The following PJA1 variants were observed in gnomAD, a reference collection of about 807,000 sequenced individuals.
The protein encoded by PJA1 is E3 ubiquitin-protein ligase Praja-1.
PJA1 carries 5 observed loss-of-function variants against 14.1 expected under a neutral mutation model. The ratio of observed to expected loss-of-function variants is 0.35; its 90% CI spans 0.18 to 0.74. The LOEUF is 0.74. PJA1 is among the 30% of genes least tolerant of loss of function. The pLI, the probability that PJA1 is intolerant of heterozygous loss-of-function variation, is 0.56. For synonymous variants in PJA1, 174 were observed against 190.9 expected (o/e 0.91, Z 0.73); for missense variants, 394 against 482.6 (o/e 0.82, Z 1.72).
In PJA1 at chrX:69,162,095, G is replaced by A. The variant is rs1602092348; in HGVS notation, c.979C>T (p.Arg327Ter). The change falls in exon 2 of 2, where the codon CGA (arginine) becomes TGA (stop). Residue 327 changes from arginine (R) to a stop codon, truncating the protein, a stop_gained. Transcript: ENST00000374571. LOFTEE classifies it high-confidence loss of function. ...IAALRRKYRS[R>*]EQTLSSSGES... The stretch of plus-strand genomic sequence containing the variant: ...CCACTGGAGGACAGGGTTTGCTCTC[G>A]GCTTCGATATTTCCGACGCAGAGCA... 1 of 1,211,105 alleles carries A rather than the reference G, an allele frequency of 8.3e-7. No homozygotes were observed.
Position 69,162,583 on chromosome X carries a change from C to T in PJA1, c.491G>A (p.Ser164Asn). 1 of 1,211,527 alleles carries T rather than the reference C, an allele frequency of 8.3e-7. No homozygotes were observed. The highest frequency in any genetic ancestry group is 1.1e-6 in the Non-Finnish European group (1 of 895,534). Residue 164 changes from serine (S) to asparagine (N), a missense_variant, in exon 2 of 2, where the codon AGC becomes AAC. Coordinates refer to ENST00000374571, the MANE Select transcript of PJA1 (RefSeq NM_001032396.4). ...SEGKLATKGD[S>N]SERERREQNL... ...TTGCTCCCTTCTCTCCCTCTCCGAG[C>T]TGTCACCTTTTGTAGCCAGCTTGCC...
Position 69,163,134 on chromosome X carries a change from C to A in PJA1, c.-61G>T, listed in dbSNP as rs1569210163. 2 of 1,210,959 alleles carry A rather than the reference C, an allele frequency of 1.7e-6. No individual in the cohort carries two copies. Among genetic ancestry groups the A allele is most frequent in the Non-Finnish European group, 2.2e-6 (2 of 895,394 alleles). On this transcript the variant is annotated 5_prime_UTR_variant, in exon 2 of 2. Coordinates refer to ENST00000374571, the MANE Select transcript of PJA1 (RefSeq NM_001032396.4). ...TCCTTTCCCGCTGGCTCGTGGGTGG[C>A]CTGAAACTGACATAAGCATGCCTTC...
intron 1 of PJA1, among the ~76,000 whole-genome samples, chrX:69,163,822 G>A: frequency 9.0e-6 from 1 of 111,062 alleles, no homozygotes; most frequent in Non-Finnish European, 1.9e-5. Context: ...TTTGTAGGGG[G>A]AAAGGGTATG....
chrX:69,164,822 G>A (rs1251760733), intron 1 of PJA1, among the ~76,000 whole-genome samples: 1 of 111,040 alleles, frequency 9.0e-6, no homozygotes. Flanking sequence ...GACCCCAACC[G>A]ATGTGGCAGG....
rs766084279 is a variant in PJA1 at position 69,161,555 on chromosome X, C to T, written c.1519G>A (p.Val507Ile). Reference sequence around the variant, plus strand: ...CTTGCTGGTGGATTGGCCACCTCTACATCCACTGCGAGAGACTCCAAGTGC... The same window carrying T: ...CTTGCTGGTGGATTGGCCACCTCTATATCCACTGCGAGAGACTCCAAGTGC... ...LAHLESLAVD[V>I]EVANPPASKE... is the part of the protein sequence containing the mutation. The change falls in exon 2 of 2, where the codon GTA (valine) becomes ATA (isoleucine). Residue 507 changes from valine (V) to isoleucine (I), a missense_variant. Physicochemically the swap from Val to Ile is conservative, Grantham distance 29. This residue lies in a region of PJA1 where 378 missense variants were observed against 439.3 expected (regional missense o/e 0.86). Coordinates refer to ENST00000374571, the MANE Select transcript of PJA1 (RefSeq NM_001032396.4). The T allele has an allele frequency of 4.1e-6, 5 of 1,211,435 alleles. No individual in the cohort carries two copies. Among genetic ancestry groups the T allele is most frequent in the Non-Finnish European group, 5.6e-6 (5 of 895,443 alleles).
In PJA1 at chrX:69,162,861, A is replaced by C. The variant is rs1182531308; in HGVS notation, c.213T>G (p.Ser71Arg). 1 of 1,208,382 alleles carries C rather than the reference A, an allele frequency of 8.3e-7. No homozygotes were observed. The highest frequency in any genetic ancestry group is 1.1e-6 in the Non-Finnish European group (1 of 894,856). ...CAACAGGCCCAGCCCCCTCCTCCTC[A>C]CTATCATCTGCCCCATAAGAGTCAA... ...GHIDSYGADD[S>R]EEEGAGPVER... The change falls in exon 2 of 2, where the codon AGT becomes AGG. Residue 71 changes from serine to arginine, a missense_variant. Physicochemically the swap from Ser to Arg is moderately radical, Grantham distance 110 (BLOSUM62 -1). This residue lies in a region of PJA1 where 378 missense variants were observed against 439.3 expected (regional missense o/e 0.86). Transcript: ENST00000374571.
Position 69,162,396 on chromosome X carries a change from G to A in PJA1, c.678C>T (p.Asp226=), listed in dbSNP as rs373540028. ...PKIFFDTDDD[D]DMPHSTSRWR... is the part of the protein sequence containing the mutation. ...ACCTGGAAGTACTGTGTGGCATATCGTCATCATCATCAGTATCAAAAAAAA... is the reference window on the plus strand; with the variant it reads ...ACCTGGAAGTACTGTGTGGCATATCATCATCATCATCAGTATCAAAAAAAA... The change falls in exon 2 of 2, where the codon GAC becomes GAT. Residue 226 remains aspartate, a synonymous_variant. Transcript: ENST00000374571. The A allele has an allele frequency of 5.7e-5, 69 of 1,208,689 alleles. No homozygotes were observed. The highest frequency in any genetic ancestry group is 2.3e-4 in the Middle Eastern group (1 of 4,376).
At position 69,161,040 on chromosome X, in the gene PJA1, C is replaced by T; in HGVS notation, c.*267G>A. The T allele has an allele frequency of 3.2e-6, 1 of 311,473 alleles. No individual in the cohort carries two copies. The highest frequency in any genetic ancestry group is 5.4e-6 in the Non-Finnish European group (1 of 185,580). 25.7% of individuals were successfully genotyped at this position (311,473 alleles called of 1,213,427 possible). On this transcript the variant is annotated 3_prime_UTR_variant, in exon 2 of 2. Coordinates refer to ENST00000374571, the MANE Select transcript of PJA1 (RefSeq NM_001032396.4). ...AAGAAAACAAATGCGATTTAACTTT[C>T]AGGTTAGAAAACGTATCTTCTTACT...
chrX:69,164,989 G>A (rs1256903362), intron 1 of PJA1, among the ~76,000 whole-genome samples: 2 of 111,737 alleles, frequency 1.8e-5, no homozygotes, highest in Non-Finnish European at 3.8e-5. Context: ...TGGGAAGAAA[G>A]GCCACGGAGT....
In PJA1 at chrX:69,161,438, C is replaced by T; in HGVS notation, c.1636G>A (p.Glu546Lys). The T allele has an allele frequency of 8.3e-7, 1 of 1,211,544 alleles. No homozygotes were observed. The highest frequency in any genetic ancestry group is 1.1e-6 in the Non-Finnish European group (1 of 895,393). Residue 546 changes from glutamate (E) to lysine (K), a missense_variant, in exon 2 of 2, where the codon GAA becomes AAA. Physicochemically the swap from Glu to Lys is moderately conservative, Grantham distance 56 (BLOSUM62 1). Transcript: ENST00000374571. The part of the protein sequence containing the change: ...QEMCCPICCS[E>K]YVKGEVATEL... ...GTTGCCACCTCCCCCTTCACATATT[C>T]GCTACAGCAGATGGGGCAGCACATC...
intron 1 of PJA1, among the ~76,000 whole-genome samples, chrX:69,164,834 G>T (rs981771560): frequency 4.5e-5 from 5 of 111,258 alleles, no homozygotes; most frequent in Non-Finnish European, 9.4e-5. Flanking sequence ...TGTGGCAGGG[G>T]AGAGGGAAAA....
chrX:69,162,260 C>T lies in PJA1; in HGVS notation c.814G>A (p.Glu272Lys). 2 of 1,210,956 alleles carry T rather than the reference C, an allele frequency of 1.7e-6. No homozygotes were observed. Among genetic ancestry groups the T allele is most frequent in the Non-Finnish European group, 2.2e-6 (2 of 895,320 alleles). ...PEPKYPEDKR[E>K]ARSDQVKPEK... ...GGTTTCACTTGGTCACTCCTCGCTT[C>T]CCGTTTGTCTTCAGGGTACTTTGGC... Residue 272 changes from glutamate (E) to lysine (K), a missense_variant, in exon 2 of 2, where the codon GAA becomes AAA. Glu to Lys is a moderately conservative substitution (Grantham distance 56, BLOSUM62 1). This residue lies in a region of PJA1 where 378 missense variants were observed against 439.3 expected (regional missense o/e 0.86). Coordinates refer to ENST00000374571, the MANE Select transcript of PJA1 (RefSeq NM_001032396.4).
In PJA1 at chrX:69,162,542, G is replaced by A. The variant is rs560701600; in HGVS notation, c.532C>T (p.Pro178Ser). Residue 178 changes from proline (P) to serine (S), a missense_variant, in exon 2 of 2, where the codon CCC (proline) becomes TCC (serine). Coordinates refer to ENST00000374571, the MANE Select transcript of PJA1 (RefSeq NM_001032396.4). ...CAAATACTCACAGGAGCCCTGCTGG[G>A]ACGTGCAGGTAAATTTTGCTCCCTT... ...ERREQNLPAR[P>S]SRAPVSICGG... 15 of 1,211,516 alleles carry A rather than the reference G, an allele frequency of 1.2e-5. No individual in the cohort carries two copies. The South Asian group carries it at 2.5e-4, about 20-fold the overall frequency.
In PJA1 at chrX:69,161,433, A is replaced by G. The variant is rs1439635519; in HGVS notation, c.1641T>C (p.Tyr547=). The part of the protein sequence containing the change: ...EMCCPICCSE[Y]VKGEVATELP... The stretch of plus-strand genomic sequence containing the variant: ...GCTCAGTTGCCACCTCCCCCTTCAC[A>G]TATTCGCTACAGCAGATGGGGCAGC... The change falls in exon 2 of 2, where the codon TAT becomes TAC. Residue 547 remains tyrosine (Y), a synonymous_variant. Coordinates refer to ENST00000374571, the MANE Select transcript of PJA1 (RefSeq NM_001032396.4). The G allele has an allele frequency of 2.5e-6, 3 of 1,209,681 alleles. No homozygotes were observed.
Position 69,162,069 on chromosome X carries a change from G to C in PJA1, c.1005C>G (p.Gly335=). 8.3e-7 allele frequency: 1 copy of C among 1,210,269 alleles called. No individual in the cohort carries two copies. Among genetic ancestry groups the C allele is most frequent in the Non-Finnish European group, 1.1e-6 (1 of 895,030 alleles). Residue 335 remains glycine (G), a synonymous_variant, in exon 2 of 2, where the codon GGC becomes GGG. Transcript: ENST00000374571. The part of the protein sequence containing the change: ...RSREQTLSSS[G]ESWETLPGKE... ...TCCCCGGCAGAGTCTCCCAGCTTTC[G>C]CCACTGGAGGACAGGGTTTGCTCTC...
rs376530251 is a variant in PJA1, at chrX:69,162,700, T to G, written c.374A>C (p.Asp125Ala). 54 of 1,206,038 alleles carry G rather than the reference T, an allele frequency of 4.5e-5. No homozygotes were observed. Among genetic ancestry groups the G allele is most frequent in the Non-Finnish European group, 5.9e-5 (53 of 893,199 alleles). The part of the protein sequence containing the change: ...SFSRDVREER[D>A]KLDPVPAARC... ...TGCTGCAGGGACTGGGTCTAACTTG[T>G]CTCGCTCCTCTCTCACATCACGGCT... The change falls in exon 2 of 2, where the codon GAC becomes GCC. Residue 125 changes from aspartate to alanine, a missense_variant. By Grantham distance (126) the Asp-to-Ala change is moderately radical (BLOSUM62 -2). Coordinates refer to ENST00000374571, the MANE Select transcript of PJA1 (RefSeq NM_001032396.4).
chrX:69,161,751 G>C lies in PJA1; in HGVS notation c.1323C>G (p.Asn441Lys). Reference protein sequence around the residue: ...PGVFMLDGNNNLEDDSSVSED... With the variant: ...PGVFMLDGNNKLEDDSSVSED... ...CGCTCACACTGGAGTCATCTTCAAG[G>C]TTGTTGTTTCCATCCAGCATGAATA... Residue 441 changes from asparagine to lysine, a missense_variant, in exon 2 of 2, where the codon AAC (asparagine) becomes AAG (lysine). This residue lies in a region of PJA1 where 378 missense variants were observed against 439.3 expected (regional missense o/e 0.86). Transcript: ENST00000374571. 1 of 1,211,399 alleles carries C rather than the reference G, an allele frequency of 8.3e-7. No homozygotes were observed. Among genetic ancestry groups the C allele is most frequent in the Non-Finnish European group, 1.1e-6 (1 of 895,474 alleles).
At chrX:69,164,917 G>C (rs1925224529) in intron 1 of PJA1, among the ~76,000 whole-genome samples, 1 of 111,587 alleles carries the variant, frequency 9.0e-6, no homozygotes, top group African/African-American at 3.3e-5. Context: ...TTTTTCCCTG[G>C]GAACAGTATT....
Position 69,165,436 on chromosome X carries a change from G to T in PJA1, c.-132C>A, listed in dbSNP as rs1410434793. On this transcript the variant is annotated 5_prime_UTR_variant, in exon 1 of 2. Transcript: ENST00000374571. The stretch of plus-strand genomic sequence containing the variant: ...TCTCGGATCTCCGACCGCCACGACC[G>T]CCAGAGCCGCTGCTCCCGGTCCCGA... 8.9e-6 allele frequency: 1 copy of T among 112,531 alleles called. No individual in the cohort carries two copies. The highest frequency in any genetic ancestry group is 3.2e-5 in the African/African-American group (1 of 31,009). 9.3% of individuals were successfully genotyped at this position (112,531 alleles called of 1,213,427 possible).
Sources: allele counts gnomAD v4.1 joint callset (sites outside exome capture counted in the v4.1 genomes callset), GRCh38; gene constraint gnomAD v4.1.1; regional missense constraint gnomAD v4.1.1; transcripts MANE v1.5; gene names NCBI Gene and HGNC (gene_info 2026-07-23, HGNC 2026-07-21).